The following ABI1 variants were observed in gnomAD, a reference collection of about 807,000 sequenced individuals.
ABI1 encodes abl interactor 1, also known as Abelson interactor 1.
In ABI1, 14 loss-of-function variants were observed where a neutral mutation model predicts 54.6. The ratio of observed to expected loss-of-function variants is 0.26; its 90% confidence interval spans 0.17 to 0.40. ABI1 has a LOEUF of 0.40. Among genes scored for constraint, ABI1 ranks in the 10% least tolerant of loss-of-function variants. The pLI is 1.00. For synonymous variants in ABI1, 194 were observed against 209.3 expected, an observed-to-expected ratio of 0.93 and a Z score of 0.63; for missense variants, 443 against 598.3, an observed-to-expected ratio of 0.74 and a Z score of 2.71.
At position 26,747,450 on chromosome 10, in the gene ABI1, G is replaced by T. The variant is rs1837073390; in HGVS notation, c.*1120C>A. ...AATTATTTTATTTTAAAATTCTAAT[G>T]TTGCTAGTGCCAGGTAATGGATTAA... On this transcript the variant is annotated 3_prime_UTR_variant, in exon 11 of 11. Transcript: ENST00000376140. 2 of 214,808 alleles carry T rather than the reference G, an allele frequency of 9.3e-6. No individual in the cohort carries two copies. Among genetic ancestry groups the T allele is most frequent in the African/African-American group, 4.5e-5 (2 of 44,266 alleles). The allele number at this position is 214,808 out of a possible 1,614,324, so 13.3% of individuals were successfully genotyped here. A position where few individuals can be genotyped will look rare whatever the true frequency, so the allele number is the denominator to read the frequency against.
intron 1 of ABI1, among the ~76,000 whole-genome samples, chr10:26,829,335 G>A (rs1044599307): frequency 1.3e-5 from 2 of 151,972 alleles, no homozygotes; most frequent in Non-Finnish European, 2.9e-5. Flanking sequence ...TAGCAGCCAT[G>A]GAGCACCACC....
rs554253243 is a variant in ABI1, at chr10:26,785,225, G to A, written c.286-7984C>T. ...CCAGAAGCCAAGAAGGTATAGAAATGAAGGGTGAATACTGTTGGAAGGCAA... is the reference window on the plus strand; with the variant it reads ...CCAGAAGCCAAGAAGGTATAGAAATAAAGGGTGAATACTGTTGGAAGGCAA... On this transcript the variant is annotated intron_variant, in intron 2 of 10. Transcript: ENST00000376140. Among the ~76,000 whole-genome samples, 110 of 152,324 alleles carry A rather than the reference G, an allele frequency of 7.2e-4. 1 individual carries two copies. Among genetic ancestry groups the A allele is most frequent in the African/African-American group, 2.5e-3 (103 of 41,568 alleles).
chr10:26,836,668 A>T (rs1172534418), intron 1 of ABI1, among the ~76,000 whole-genome samples: 2 of 152,204 alleles, frequency 1.3e-5, no homozygotes, highest in African/African-American at 4.8e-5. Context: ...GAATAAGGCT[A>T]ATAGTACCTC....
intron 1 of ABI1, among the ~76,000 whole-genome samples, chr10:26,838,725 T>C (rs1179127171): frequency 6.6e-6 from 1 of 152,158 alleles, no homozygotes; most frequent in African/African-American, 2.4e-5. Context: ...GCAATATGTA[T>C]TCTGTGACAC....
intron 2 of ABI1, among the ~76,000 whole-genome samples, chr10:26,782,115 G>C (rs1842186202): frequency 6.6e-6 from 1 of 152,148 alleles, no homozygotes; most frequent in African/African-American, 2.4e-5. Context: ...CACTTTTCCA[G>C]GGTCTGGTAC....
At chr10:26,809,449 C>T (rs776910245) in intron 2 of ABI1, among the ~76,000 whole-genome samples, 8 of 152,086 alleles carry the variant, frequency 5.3e-5, no homozygotes, top group East Asian at 1.9e-4. Flanking sequence ...GTCCTAGCTA[C>T]TCGGGAGGCT....
chr10:26,750,917 CTT>C (rs1456146289), intron 10 of ABI1, among the ~76,000 whole-genome samples: 2 of 152,098 alleles, frequency 1.3e-5, no homozygotes, highest in South Asian at 2.1e-4. Context: ...GATAATTTCT[CTT>C]GTGTTTTATA....
intron 2 of ABI1, among the ~76,000 whole-genome samples, chr10:26,811,467 T>C (rs1184389483): frequency 6.6e-6 from 1 of 152,114 alleles, no homozygotes. Flanking sequence ...AGAAGGGGAG[T>C]TAGGAAATTT....
intron 7 of ABI1, 83 bp downstream of exon 7, chr10:26,765,135 A>G (rs1839764192): frequency 1.8e-5 from 17 of 950,344 alleles, no homozygotes; most frequent in Non-Finnish European, 2.5e-5. Context: ...AATTTTACTC[A>G]ATATGACTAA....
intron 2 of ABI1, among the ~76,000 whole-genome samples, chr10:26,791,788 T>C (rs1843503695): frequency 6.6e-6 from 1 of 152,080 alleles, no homozygotes; most frequent in South Asian, 2.1e-4. Context: ...TATTTTGCCA[T>C]ATAGAAAAAA....
At chr10:26,779,819 C>G (rs1228568396) in intron 2 of ABI1, among the ~76,000 whole-genome samples, 2 of 152,144 alleles carry the variant, frequency 1.3e-5, no homozygotes. Context: ...CTTTGAAACT[C>G]TCAGGGAAAT....
At chr10:26,770,433 G>C in intron 4 of ABI1, 88 bp from the exon 5 acceptor site, 1 of 1,256,358 alleles carries the variant, frequency 8.0e-7, no homozygotes, top group South Asian at 1.2e-5. Flanking sequence ...TTAAATATCA[G>C]AATGTGAATT....
At chr10:26,807,024 TC>T (rs1485395713) in intron 2 of ABI1, among the ~76,000 whole-genome samples, 2 of 152,232 alleles carry the variant, frequency 1.3e-5, no homozygotes, top group Admixed American at 1.3e-4. Flanking sequence ...TCATGGTTCT[TC>T]CTAAGTATGG....
At chr10:26,807,616 C>A (rs929191596) in intron 2 of ABI1, among the ~76,000 whole-genome samples, 1 of 152,128 alleles carries the variant, frequency 6.6e-6, no homozygotes, top group African/African-American at 2.4e-5. Flanking sequence ...CCACACACAG[C>A]TCAGCCTGTA....
chr10:26,781,053 T>C (rs1043028622), intron 2 of ABI1, among the ~76,000 whole-genome samples: 5 of 152,204 alleles, frequency 3.3e-5, no homozygotes, highest in South Asian at 2.1e-4. Flanking sequence ...ATTAGTAGGT[T>C]TGGGGCCCCA....
intron 6 of ABI1, among the ~76,000 whole-genome samples, chr10:26,766,842 T>C (rs1840017019): frequency 6.6e-6 from 1 of 152,218 alleles, no homozygotes; most frequent in Non-Finnish European, 1.5e-5. Flanking sequence ...TAATATTTTG[T>C]AACACATTAA....
chr10:26,789,881 T>C (rs958199180), intron 2 of ABI1, among the ~76,000 whole-genome samples: 1 of 152,186 alleles, frequency 6.6e-6, no homozygotes, highest in Non-Finnish European at 1.5e-5. Context: ...ACATGCAGTA[T>C]TTGGTTTTCT....
intron 2 of ABI1, among the ~76,000 whole-genome samples, chr10:26,777,730 T>C (rs1841595265): frequency 6.6e-6 from 1 of 151,964 alleles, no homozygotes; most frequent in Non-Finnish European, 1.5e-5. Context: ...GCTGTAATTA[T>C]GCCACTGCAC....
intron 3 of ABI1, among the ~76,000 whole-genome samples, chr10:26,771,767 T>A (rs998621559): frequency 6.6e-6 from 1 of 152,176 alleles, no homozygotes; most frequent in African/African-American, 2.4e-5. Flanking sequence ...TAGGAAGTTC[T>A]AAGTAGCTTT....
Sources: gnomAD v4.1 joint callset for allele counts (sites outside exome capture counted in the v4.1 genomes callset) on GRCh38, gnomAD v4.1.1 for gene constraint, MANE v1.5 for transcripts, NCBI Gene and HGNC (gene_info 2026-07-23, HGNC 2026-07-21) for gene names.